Variants in TMEM182 observed in about 807,000 individuals in gnomAD.
TMEM182 encodes the protein transmembrane protein 182.
Under a neutral mutation model 26.8 loss-of-function variants are expected in TMEM182, and 20 were observed. That is an observed-to-expected ratio of 0.75 (90% CI 0.53 to 1.09). The LOEUF (loss-of-function observed/expected upper bound fraction) is 1.09, where lower values mean the gene tolerates loss of function less well. TMEM182 is among the 50% of genes least tolerant of loss of function. TMEM182 has a pLI of 0.00. For missense variants in TMEM182, 277 were observed against 275.5 expected, an observed-to-expected ratio of 1.01 and a Z score of -0.04; for synonymous variants, 109 against 102.2, an observed-to-expected ratio of 1.07 and a Z score of -0.40.
chr2:102,811,311 C>T (rs560962537), intron 4 of TMEM182, among the ~76,000 whole-genome samples: 1 of 152,060 alleles, frequency 6.6e-6, no homozygotes, highest in African/African-American at 2.4e-5. Context: ...TCACTGCATC[C>T]CATCAAGTGA....
At chr2:102,803,743 A>G (rs571857241) in intron 4 of TMEM182, among the ~76,000 whole-genome samples, 19 of 152,192 alleles carry the variant, frequency 1.2e-4, no homozygotes, top group Admixed American at 3.9e-4. Flanking sequence ...TCCTCCAGGT[A>G]AAGGAGGATG....
chr2:102,780,226 T>A (rs1297484801), intron 3 of TMEM182, among the ~76,000 whole-genome samples: 1 of 152,220 alleles, frequency 6.6e-6, no homozygotes, highest in Non-Finnish European at 1.5e-5. Flanking sequence ...CTGAATATTA[T>A]AAGACTATGG....
intron 4 of TMEM182, among the ~76,000 whole-genome samples, chr2:102,800,933 AC>A (rs1179929910): frequency 6.6e-6 from 1 of 151,942 alleles, no homozygotes; most frequent in Non-Finnish European, 1.5e-5. Flanking sequence ...TTGGCTGAGA[AC>A]TGTGTAGGAG....
At chr2:102,753,962 A>G (rs1258396956) in intron 1 of TMEM182, among the ~76,000 whole-genome samples, 2 of 152,238 alleles carry the variant, frequency 1.3e-5, no homozygotes, top group Non-Finnish European at 2.9e-5. Flanking sequence ...AATGCTTACA[A>G]TATGACCGTG....
At chr2:102,834,227 G>A (rs577167044) in intron 3 of TMEM182, among the ~76,000 whole-genome samples, 12 of 152,194 alleles carry the variant, frequency 7.9e-5, no homozygotes, top group Admixed American at 7.2e-4. Context: ...CTACTTTGCC[G>A]TGGGCCTAAC....
chr2:102,840,692 C>T (rs1023851660), intron 3 of TMEM182, among the ~76,000 whole-genome samples: 3 of 152,148 alleles, frequency 2.0e-5, no homozygotes, highest in South Asian at 2.1e-4. Flanking sequence ...AAAATATTCC[C>T]AGAAAGCATA....
At position 102,815,116 on chromosome 2, in the gene TMEM182, A is replaced by G. The variant is rs1222068506; in HGVS notation, c.*148A>G. The G allele has an allele frequency of 4.9e-6, 7 of 1,441,052 alleles. No individual in the cohort carries two copies. Among genetic ancestry groups the G allele is most frequent in the Non-Finnish European group, 1.8e-6 (2 of 1,106,086 alleles). 89.3% of individuals were successfully genotyped at this position (1,441,052 alleles called of 1,614,324 possible). A position where few individuals can be genotyped will look rare whatever the true frequency, so the allele number is the denominator to read the frequency against. On this transcript the variant is annotated 3_prime_UTR_variant, in exon 5 of 5. Transcript: ENST00000412401. ...TAATCATTTTACTAAAATTTTCTTCAGTAAGAAGGTCCTAGAATCTCTCCA... is the reference window on the plus strand; with the variant it reads ...TAATCATTTTACTAAAATTTTCTTCGGTAAGAAGGTCCTAGAATCTCTCCA...
intron 3 of TMEM182, among the ~76,000 whole-genome samples, chr2:102,827,626 A>G (rs1573577004): frequency 6.6e-6 from 1 of 152,254 alleles, no homozygotes; most frequent in Non-Finnish European, 1.5e-5. Flanking sequence ...CAAAGAAACA[A>G]TTTTGCCCCT....
chr2:102,771,638 G>A (rs540517057), intron 3 of TMEM182, among the ~76,000 whole-genome samples: 9 of 152,142 alleles, frequency 5.9e-5, no homozygotes, highest in African/African-American at 2.2e-4. Flanking sequence ...CAGCAGCATG[G>A]CCTGGGTTCC....
chr2:102,765,113 A>G (rs1200949148), intron 3 of TMEM182, among the ~76,000 whole-genome samples: 5 of 152,190 alleles, frequency 3.3e-5, no homozygotes, highest in African/African-American at 1.2e-4. Context: ...TCCAGAAAAA[A>G]GAGAAACAAT....
intron 3 of TMEM182, among the ~76,000 whole-genome samples, chr2:102,831,208 T>C (rs549533480): frequency 2.6e-5 from 4 of 152,352 alleles, no homozygotes; most frequent in African/African-American, 9.6e-5. Flanking sequence ...TTCTGTTCAT[T>C]TGGGTATACA....
At chr2:102,759,069 G>T (rs1240867595), upstream of TMEM182, among the ~76,000 whole-genome samples, 1 of 152,026 alleles carries the variant, frequency 6.6e-6, no homozygotes, top group East Asian at 1.9e-4. Flanking sequence ...CCAGAAAGAT[G>T]ATCCTTTTCT....
intron 3 of TMEM182, among the ~76,000 whole-genome samples, chr2:102,790,098 G>A (rs1681573039): frequency 6.6e-6 from 1 of 152,186 alleles, no homozygotes; most frequent in African/African-American, 2.4e-5. Flanking sequence ...AAGCAAATAT[G>A]CTTTTTCTTC....
At chr2:102,763,385 T>G (rs1008334524) in intron 2 of TMEM182, among the ~76,000 whole-genome samples, 2 of 152,228 alleles carry the variant, frequency 1.3e-5, no homozygotes, top group African/African-American at 2.4e-5. Flanking sequence ...CTTATTTCAT[T>G]GTATTCAACA....
intron 1 of TMEM182, among the ~76,000 whole-genome samples, chr2:102,739,899 C>G (rs900537861): frequency 2.6e-4 from 40 of 152,196 alleles, no homozygotes; most frequent in Middle Eastern, 3.4e-3. Flanking sequence ...TGATAAAATC[C>G]TTTGTCTCTG....
intron 3 of TMEM182, among the ~76,000 whole-genome samples, chr2:102,842,444 T>C (rs1310187800): frequency 6.6e-6 from 1 of 152,170 alleles, no homozygotes; most frequent in Non-Finnish European, 1.5e-5. Flanking sequence ...TTATCAGGAT[T>C]ACTAGTTCAG....
chr2:102,832,752 A>T (rs1000844695), intron 3 of TMEM182, among the ~76,000 whole-genome samples: 14 of 152,196 alleles, frequency 9.2e-5, no homozygotes, highest in Non-Finnish European at 1.8e-4. Context: ...TCAGAAAGCT[A>T]TTCAGTGACT....
chr2:102,836,903 A>G (rs1228604434), intron 3 of TMEM182, among the ~76,000 whole-genome samples: 1 of 152,220 alleles, frequency 6.6e-6, no homozygotes, highest in East Asian at 1.9e-4. Flanking sequence ...AAGCTTCTCC[A>G]ATCCAGTGCT....
At chr2:102,778,567 G>A (rs997132873) in intron 3 of TMEM182, among the ~76,000 whole-genome samples, 5 of 151,648 alleles carry the variant, frequency 3.3e-5, no homozygotes, top group African/African-American at 4.8e-5. Flanking sequence ...ATATTTCTCC[G>A]CTTTCTTTTC....
Sources: gnomAD v4.1 joint callset for allele counts (sites outside exome capture counted in the v4.1 genomes callset) on GRCh38, gnomAD v4.1.1 for gene constraint, MANE v1.5 for transcripts, NCBI Gene and HGNC (gene_info 2026-07-23, HGNC 2026-07-21) for gene names.